The following AJUBA variants were observed in gnomAD, a reference collection of about 807,000 sequenced individuals.
AJUBA encodes LIM domain-containing protein ajuba.
AJUBA carries 20 observed loss-of-function variants against 53.3 expected under a neutral mutation model. The observed-to-expected ratio is 0.38, with a 90% CI of 0.26 to 0.55. AJUBA has a LOEUF of 0.55. Among genes scored for constraint, AJUBA ranks in the 20% least tolerant of loss-of-function variants. AJUBA has a pLI of 0.80. For missense variants in AJUBA, 580 were observed against 730.5 expected (o/e 0.79, Z 2.38); for synonymous variants, 296 against 306.2 (o/e 0.97, Z 0.35).
At chr14:22,974,184 C>T (rs1487496923) in intron 6 of AJUBA, 69 bp from the exon 7 acceptor site, 2 of 1,515,770 alleles carry the variant, frequency 1.3e-6, no homozygotes, top group Non-Finnish European at 9.2e-7. Context: ...CCCTCATATA[C>T]AACCCTTCCC....
intron 4 of AJUBA, chr14:22,975,339 G>T (rs892272025): frequency 1.6e-5 from 8 of 488,192 alleles, no homozygotes; most frequent in Non-Finnish European, 2.9e-5. Context: ...GATCACCTAG[G>T]CAGCTTTTAA....
Position 22,971,183 on chromosome 14 carries a change from T to A in AJUBA, c.*2260A>T, listed in dbSNP as rs1297843695. The A allele has an allele frequency of 6.6e-6, 1 of 151,908 alleles. No individual in the cohort carries two copies. Among genetic ancestry groups the A allele is most frequent in the Non-Finnish European group, 1.5e-5 (1 of 68,006 alleles). 9.4% of individuals were successfully genotyped at this position (151,908 alleles called of 1,614,324 possible). On this transcript the variant is annotated 3_prime_UTR_variant, in exon 8 of 8. Transcript: ENST00000262713. ...GTAAAGTTACACAAGCTTGTCTGGA[T>A]TTCCCATCATAGGGCCTTTGTATTC...
At chr14:22,981,142 T>C in intron 1 of AJUBA, 119 bp downstream of exon 1, 1 of 1,290,324 alleles carries the variant, frequency 7.7e-7, no homozygotes, top group Non-Finnish European at 1.1e-6. Flanking sequence ...CTTGCTTCTT[T>C]CCTAGTCCCG....
chr14:22,978,287 TGTAA>T lies in AJUBA; in HGVS notation c.1108+53_1108+56del. On this transcript the variant is annotated intron_variant, in intron 2 of 7. Transcript: ENST00000262713. Reference sequence around the variant, plus strand: ...CTCTCCTCCTGTTCCCCATAGCACTTGTAAGTGTGTATGTGGGCAGGGGAGGGGA... The same window carrying T: ...CTCTCCTCCTGTTCCCCATAGCACTTGTGTGTATGTGGGCAGGGGAGGGGA... 4 of 1,502,328 alleles carry T rather than the reference TGTAA, an allele frequency of 2.7e-6. No individual in the cohort carries two copies. In the South Asian group the frequency reaches 3.5e-5, roughly 13 times the overall value. The allele number at this position is 1,502,328 out of a possible 1,614,324, so 93.1% of individuals were successfully genotyped here.
chr14:22,974,617 A>C, intron 6 of AJUBA: 1 of 559,470 alleles, frequency 1.8e-6, no homozygotes, highest in Admixed American at 3.3e-5. Context: ...CTGGACTGGG[A>C]TAGAAGAGAT....
Position 22,973,450 on chromosome 14 carries a change from T to G in AJUBA, c.1610A>C (p.Tyr537Ser). ...AGCAGCAGTGATTGCAGCTCAGATA[T>G]AGTTGGCAGGGGGTTGTCGGGCATT... ...RLNARQPPAN[Y>S]I Residue 537 changes from tyrosine to serine, a missense_variant, in exon 8 of 8, where the codon TAT (tyrosine) becomes TCT (serine). Physicochemically the swap from Tyr to Ser is moderately radical, Grantham distance 144. Around this residue, in one of 2 missense-constraint regions of AJUBA, gnomAD observed 150 missense variants for 259.0 expected, o/e 0.58. Transcript: ENST00000262713. 1.9e-6 allele frequency: 3 copies of G among 1,610,342 alleles called. No individual in the cohort carries two copies. The highest frequency in any genetic ancestry group is 2.5e-6 in the Non-Finnish European group (3 of 1,178,284).
rs200422363 is a variant in AJUBA at position 22,974,143 on chromosome 14, G to A, written c.1423-28C>T. 2.2e-5 allele frequency: 36 copies of A among 1,613,498 alleles called. No individual in the cohort carries two copies. The African/African-American group carries it at 3.7e-4, about 17-fold the overall frequency. On this transcript the variant is annotated intron_variant, in intron 6 of 7. Coordinates refer to ENST00000262713, the MANE Select transcript of AJUBA (RefSeq NM_032876.6). ...GAAACATGCAGACCCCCATGGAGAT[G>A]AGAGCAGCATGTTGCCTCACCTCCA...
intron 4 of AJUBA, 72 bp downstream of exon 4, chr14:22,976,384 A>T: frequency 6.9e-7 from 1 of 1,452,964 alleles, no homozygotes; most frequent in South Asian, 1.1e-5. Flanking sequence ...CCTTCTCTCA[A>T]TATCCATTTA....
intron 2 of AJUBA, chr14:22,977,018 G>A (rs1594564731): frequency 1.6e-6 from 2 of 1,263,006 alleles, no homozygotes; most frequent in East Asian, 6.6e-5. Context: ...GAAGCCACCT[G>A]GGAGAGTAAA....
At position 22,980,830 on chromosome 14, in the gene AJUBA, C is replaced by G. The variant is rs922089912; in HGVS notation, c.1006+431G>C. ...ACGCGGCCAGCCTGCCCCGCCCCCC[C>G]ACCCGCGCATTCTCCGAATTCCTGC... On this transcript the variant is annotated intron_variant, in intron 1 of 7. Transcript: ENST00000262713. 9.9e-5 allele frequency among the ~76,000 whole-genome samples: 15 copies of G among 152,034 alleles called. No individual in the cohort carries two copies. In the East Asian group the frequency reaches 1.4e-3, roughly 14 times the overall value.
chr14:22,976,714 T>G lies in AJUBA; in HGVS notation c.1109-2A>C. The G allele has an allele frequency of 6.2e-7, 1 of 1,613,802 alleles. No homozygotes were observed. The highest frequency in any genetic ancestry group is 8.5e-7 in the Non-Finnish European group (1 of 1,179,916). On this transcript the variant is annotated splice_acceptor_variant, in intron 2 of 7. Transcript: ENST00000262713. LOFTEE classifies it high-confidence loss of function. ...AAGCCTTGCAACGCAAAGTTCGCCCTAGAAACAATAGAGAAGGGGCTGGAA... is the reference window on the plus strand; with the variant it reads ...AAGCCTTGCAACGCAAAGTTCGCCCGAGAAACAATAGAGAAGGGGCTGGAA...
chr14:22,977,225 T>C (rs1309930603), intron 2 of AJUBA: 1 of 986,866 alleles, frequency 1.0e-6, no homozygotes, highest in Non-Finnish European at 1.2e-6. Context: ...CTGGAGTTAC[T>C]GCAGAAGGAC....
In AJUBA at chr14:22,982,400, C is replaced by CTTAG; in HGVS notation, c.-135_-134insCTAA. The CTTAG allele has an allele frequency of 2.1e-6, 3 of 1,463,076 alleles. No homozygotes were observed. The South Asian group carries it at 4.2e-5, about 20-fold the overall frequency. The allele number at this position is 1,463,076 out of a possible 1,614,324, so 90.6% of individuals were successfully genotyped here. A position where few individuals can be genotyped will look rare whatever the true frequency, so the allele number is the denominator to read the frequency against. On this transcript the variant is annotated 5_prime_UTR_variant, in exon 1 of 8. The change abolishes the stop of an existing upstream ORF in the 5' untranslated region. Coordinates refer to ENST00000262713, the MANE Select transcript of AJUBA (RefSeq NM_032876.6). Reference sequence around the variant, plus strand: ...GGAGGCACAGGGGCTTAGCGGGCGGCCTGGATGCCCTGCGCCAGGAATCCC... The same window carrying CTTAG: ...GGAGGCACAGGGGCTTAGCGGGCGGCTTAGCTGGATGCCCTGCGCCAGGAATCCC...
intron 4 of AJUBA, 132 bp downstream of exon 4, chr14:22,976,324 G>C: frequency 1.0e-6 from 1 of 959,960 alleles, no homozygotes; most frequent in South Asian, 1.4e-5. Context: ...GTTGCTCTGG[G>C]GAGGAATGGG....
At position 22,981,815 on chromosome 14, in the gene AJUBA, C is replaced by T; in HGVS notation, c.452G>A (p.Gly151Glu). ...SLLLDGAGAG[G>E]AGGSRPCSNR... is the part of the protein sequence containing the mutation. ...GCTGCAGGGCCGGCTACCTCCAGCT[C>T]CGCCAGCCCCCGCCCCGTCCAGCAG... is the stretch of plus-strand genomic sequence containing the variant. Residue 151 changes from glycine (G) to glutamate (E), a missense_variant, in exon 1 of 8, where the codon GGA becomes GAA. By Grantham distance (98) the Gly-to-Glu change is moderately conservative. Coordinates refer to ENST00000262713, the MANE Select transcript of AJUBA (RefSeq NM_032876.6). The T allele has an allele frequency of 1.3e-6, 2 of 1,533,666 alleles. No homozygotes were observed. The highest frequency in any genetic ancestry group is 1.7e-6 in the Non-Finnish European group (2 of 1,146,136).
In AJUBA at chr14:22,982,274, G is replaced by T; in HGVS notation, c.-8C>A. The stretch of plus-strand genomic sequence containing the variant: ...CTCTCCTAACCGCTCCATGCCCTCG[G>T]GCCTGGGGCCTCTCGCCCCCTCCCC... On this transcript the variant is annotated 5_prime_UTR_variant, in exon 1 of 8. Coordinates refer to ENST00000262713, the MANE Select transcript of AJUBA (RefSeq NM_032876.6). 6.2e-7 allele frequency: 1 copy of T among 1,611,338 alleles called. No homozygotes were observed. Among genetic ancestry groups the T allele is most frequent in the Non-Finnish European group, 8.5e-7 (1 of 1,179,194 alleles).
rs1214463493 is a variant in AJUBA, at chr14:22,979,727, G to GA, written c.1007-1283dup. ...CTTGGACGTTATGGGAAAAGCAAACGAAACTGCTCAGGCACGTTGGCCTCA... is the reference window on the plus strand; with the variant it reads ...CTTGGACGTTATGGGAAAAGCAAACGAAAACTGCTCAGGCACGTTGGCCTCA... On this transcript the variant is annotated intron_variant, in intron 1 of 7. Transcript: ENST00000262713. The surrounding 1 kb of genome is among the most constrained non-coding windows in gnomAD (Gnocchi z 4.0). Among the ~76,000 whole-genome samples the GA allele has an allele frequency of 1.3e-5, 2 of 152,198 alleles. No individual in the cohort carries two copies. Among genetic ancestry groups the GA allele is most frequent in the African/African-American group, 4.8e-5 (2 of 41,432 alleles).
At chr14:22,973,700 G>T in intron 7 of AJUBA, 132 bp from the exon 8 acceptor site, 1 of 1,236,184 alleles carries the variant, frequency 8.1e-7, no homozygotes. Flanking sequence ...GGGAAGGATG[G>T]AAGGGATGGA....
Position 22,982,073 on chromosome 14 carries a change from C to T in AJUBA, c.194G>A (p.Arg65Gln). 6.3e-7 allele frequency: 1 copy of T among 1,591,060 alleles called. No individual in the cohort carries two copies. The highest frequency in any genetic ancestry group is 1.1e-5 in the South Asian group (1 of 88,562). The change falls in exon 1 of 8, where the codon CGG becomes CAG. Residue 65 changes from arginine to glutamine, a missense_variant. By Grantham distance (43) the Arg-to-Gln change is conservative. Around this residue, in one of 2 missense-constraint regions of AJUBA, gnomAD observed 430 missense variants for 471.5 expected, o/e 0.91. Transcript: ENST00000262713. ...GPGDEPLEPA[R>Q]EQGSLDAERN... ...CTCAGCGTCCAGGGAACCTTGCTCC[C>T]GGGCCGGCTCCAACGGCTCATCCCC... is the stretch of plus-strand genomic sequence containing the variant.
Sources: gnomAD v4.1 joint callset for allele counts (sites outside exome capture counted in the v4.1 genomes callset) on GRCh38, gnomAD v4.1.1 for gene constraint, gnomAD v4.1.1 regional missense constraint, Gnocchi (gnomAD v3.1) non-coding constraint, MANE v1.5 for transcripts, NCBI Gene and HGNC (gene_info 2026-07-23, HGNC 2026-07-21) for gene names.